Variants in NBAS observed in about 807,000 individuals in gnomAD.
NBAS encodes the protein NAG/BC035112 fusion.
NBAS carries 219 observed loss-of-function variants against 302.5 expected under a neutral mutation model. That is an observed-to-expected ratio of 0.72 (90% CI 0.65 to 0.81). The LOEUF is 0.81. NBAS is among the 30% of genes least tolerant of loss of function. The probability of loss-of-function intolerance (pLI) is 0.00; values close to 1 mark genes in which losing one functional copy is unlikely to be tolerated. For synonymous variants in NBAS, 1,118 were observed against 1,021.6 expected, an observed-to-expected ratio of 1.09 and a Z score of -1.80; for missense variants, 2,932 against 2,841.6, an observed-to-expected ratio of 1.03 and a Z score of -0.72.
intron 30 of NBAS, among the ~76,000 whole-genome samples, chr2:15,378,801 C>A (rs543032434): frequency 3.3e-5 from 5 of 152,034 alleles, no homozygotes; most frequent in Non-Finnish European, 7.4e-5. Flanking sequence ...GAAGTTGAAC[C>A]GTCTTAAGTT....
intron 9 of NBAS, among the ~76,000 whole-genome samples, chr2:15,532,019 C>T (rs1391654342): frequency 1.3e-5 from 2 of 152,034 alleles, no homozygotes; most frequent in African/African-American, 4.8e-5. Flanking sequence ...ACCCTAAGCA[C>T]CTGGAACAGT....
At chr2:15,559,062 CAAAAAAAAA>C (rs70961421) in intron 1 of NBAS, among the ~76,000 whole-genome samples, 4 of 50,404 alleles carry the variant, frequency 7.9e-5, no homozygotes, top group Non-Finnish European at 1.4e-4. Flanking sequence ...GACCCTGCCT[CAAAAAAAAA>C]AAAAAAAAAA....
intron 23 of NBAS, among the ~76,000 whole-genome samples, chr2:15,420,816 G>A (rs1323397421): frequency 6.6e-6 from 1 of 152,134 alleles, no homozygotes; most frequent in East Asian, 1.9e-4. Context: ...GGTAAAAGGA[G>A]TAGAGGAGAA....
intron 35 of NBAS, among the ~76,000 whole-genome samples, chr2:15,335,393 G>A (rs1014035986): frequency 1.3e-5 from 2 of 152,124 alleles, no homozygotes; most frequent in Non-Finnish European, 2.9e-5. Context: ...ATATACATAT[G>A]TCCAGATTTA....
At chr2:15,338,747 C>A (rs185872191) in intron 35 of NBAS, among the ~76,000 whole-genome samples, 2 of 151,726 alleles carry the variant, frequency 1.3e-5, no homozygotes, top group East Asian at 3.9e-4. Context: ...CAGTGGCTCA[C>A]GCCTGTAATC....
intron 48 of NBAS, among the ~76,000 whole-genome samples, chr2:15,201,142 C>G (rs535867453): frequency 6.6e-6 from 1 of 152,312 alleles, no homozygotes; most frequent in Non-Finnish European, 1.5e-5. Context: ...TCCATAAGAA[C>G]TGGTAAGCTG....
intron 38 of NBAS, among the ~76,000 whole-genome samples, chr2:15,319,877 T>G (rs779290821): frequency 6.6e-6 from 1 of 152,092 alleles, no homozygotes; most frequent in African/African-American, 2.4e-5. Flanking sequence ...AGAGGGAATC[T>G]TCCCTAACTC....
At chr2:15,395,340 C>G (rs1183830325) in intron 27 of NBAS, among the ~76,000 whole-genome samples, 3 of 152,056 alleles carry the variant, frequency 2.0e-5, no homozygotes, top group Non-Finnish European at 2.9e-5. Flanking sequence ...TTTACATTGA[C>G]TCAACCCAAC....
chr2:14,801,521 T>G, the NBAS span, among the ~76,000 whole-genome samples: 2 of 152,166 alleles, frequency 1.3e-5, no homozygotes, highest in South Asian at 4.1e-4. Context: ...TATCTTCCAT[T>G]TTTCAATTTC....
At chr2:14,855,891 G>GC in the NBAS span, among the ~76,000 whole-genome samples, 1 of 152,212 alleles carries the variant, frequency 6.6e-6, no homozygotes, top group Non-Finnish European at 1.5e-5. Flanking sequence ...TTTGCCACCT[G>GC]CTGATTGTAG....
intron 8 of NBAS, among the ~76,000 whole-genome samples, chr2:15,535,801 C>T (rs879663209): frequency 6.6e-6 from 1 of 152,002 alleles, no homozygotes; most frequent in Non-Finnish European, 1.5e-5. Context: ...AATGCAGAAC[C>T]CACAGATACA....
chr2:15,313,662 G>A (rs1671377614), intron 38 of NBAS, among the ~76,000 whole-genome samples: 1 of 152,226 alleles, frequency 6.6e-6, no homozygotes, highest in South Asian at 2.1e-4. Flanking sequence ...CTACTGCCAT[G>A]TGGTTTTTAA....
the NBAS span, among the ~76,000 whole-genome samples, chr2:15,018,218 T>A: frequency 3.3e-5 from 5 of 151,958 alleles, no homozygotes; most frequent in African/African-American, 1.2e-4. Flanking sequence ...TAAGTTCTAG[T>A]GTTTTACACC....
the NBAS span, among the ~76,000 whole-genome samples, chr2:14,957,278 C>CGTGTGTGTGTGTGTGT: frequency 4.5e-4 from 66 of 147,572 alleles, 1 homozygote; most frequent in African/African-American, 1.5e-3. Context: ...TATACATATA[C>CGTGTGTGTGTGTGTGT]GTGTGTGTGT....
intron 44 of NBAS, among the ~76,000 whole-genome samples, chr2:15,245,112 A>AATT (rs1269604907): frequency 3.3e-5 from 5 of 152,142 alleles, no homozygotes; most frequent in Non-Finnish European, 2.9e-5. Context: ...ATGGTATCTT[A>AATT]AAAACACACA....
chr2:15,383,742 C>T (rs1267964333), intron 28 of NBAS, among the ~76,000 whole-genome samples: 2 of 152,196 alleles, frequency 1.3e-5, no homozygotes, highest in Non-Finnish European at 2.9e-5. Flanking sequence ...AAGGAGTCTT[C>T]TTGACTTCAA....
intron 51 of NBAS, 84 bp downstream of exon 51, chr2:15,178,904 T>A: frequency 6.3e-7 from 1 of 1,579,924 alleles, no homozygotes. Flanking sequence ...ACCACGGTGT[T>A]ATTTATGAGA....
chr2:14,803,477 G>T, the NBAS span, among the ~76,000 whole-genome samples: 1 of 152,204 alleles, frequency 6.6e-6, no homozygotes, highest in African/African-American at 2.4e-5. Context: ...GGAGACTCCT[G>T]GGCTTCTCTC....
At chr2:15,485,629 T>C (rs1680592455) in intron 12 of NBAS, among the ~76,000 whole-genome samples, 1 of 152,238 alleles carries the variant, frequency 6.6e-6, no homozygotes, top group African/African-American at 2.4e-5. Context: ...TTGTAAAAGC[T>C]ACAAGACGAT....
Sources: gnomAD v4.1 joint callset for allele counts (sites outside exome capture counted in the v4.1 genomes callset) on GRCh38, gnomAD v4.1.1 for gene constraint, MANE v1.5 for transcripts, NCBI Gene and HGNC (gene_info 2026-07-23, HGNC 2026-07-21) for gene names.